The following RFX4 variants were observed in gnomAD, a reference collection of about 807,000 sequenced individuals.
RFX4 encodes regulatory factor X4.
Under a neutral mutation model 95.0 loss-of-function variants are expected in RFX4, and 10 were observed. The observed-to-expected ratio is 0.11, with a 90% CI of 0.06 to 0.18. The LOEUF (loss-of-function observed/expected upper bound fraction) is 0.18. Among genes scored for constraint, RFX4 ranks in the 10% least tolerant of loss-of-function variants. The pLI, the probability that RFX4 is intolerant of heterozygous loss-of-function variation, is 1.00. For missense variants in RFX4, 640 were observed against 922.0 expected (o/e 0.69, Z 3.96); for synonymous variants, 321 against 340.7 (o/e 0.94, Z 0.64).
chr12:106,615,041 C>T (rs2040046107), intron 2 of RFX4, among the ~76,000 whole-genome samples: 1 of 152,034 alleles, frequency 6.6e-6, no homozygotes, highest in South Asian at 2.1e-4. Flanking sequence ...CTTTGGTATC[C>T]TATTAAGAAA....
intron 1 of RFX4, among the ~76,000 whole-genome samples, chr12:106,608,560 C>T (rs958678544): frequency 3.3e-5 from 5 of 152,200 alleles, no homozygotes; most frequent in African/African-American, 1.2e-4. Flanking sequence ...TCAAGTGAGG[C>T]TTCAAAGAGC....
intron 1 of RFX4, among the ~76,000 whole-genome samples, chr12:106,595,321 A>C (rs1451659744): frequency 6.6e-6 from 1 of 152,170 alleles, no homozygotes; most frequent in Non-Finnish European, 1.5e-5. Flanking sequence ...TTTACATTCT[A>C]GTTCACCTCC....
At chr12:106,593,275 A>G (rs1426166474) in intron 1 of RFX4, among the ~76,000 whole-genome samples, 5 of 152,236 alleles carry the variant, frequency 3.3e-5, no homozygotes. Flanking sequence ...GTTAGTTAGC[A>G]CTTTGTGTCC....
At chr12:106,610,801 C>T (rs1012610137) in intron 2 of RFX4, among the ~76,000 whole-genome samples, 3 of 152,288 alleles carry the variant, frequency 2.0e-5, no homozygotes, top group African/African-American at 7.2e-5. Flanking sequence ...TTTCAAGTCT[C>T]TGCTCCTAAT....
intron 15 of RFX4, among the ~76,000 whole-genome samples, chr12:106,735,696 A>T (rs1282857794): frequency 6.6e-6 from 1 of 151,490 alleles, no homozygotes; most frequent in Non-Finnish European, 1.5e-5. Context: ...ACACACATGT[A>T]TTTTTTTTTC....
At chr12:106,693,753 C>T (rs1055944139) in intron 7 of RFX4, among the ~76,000 whole-genome samples, 10 of 152,292 alleles carry the variant, frequency 6.6e-5, no homozygotes, top group Middle Eastern at 3.4e-3. Context: ...TGAGCGGAGC[C>T]ACAGTAGGGA....
chr12:106,625,594 A>T (rs569647267), intron 2 of RFX4, among the ~76,000 whole-genome samples: 1 of 152,352 alleles, frequency 6.6e-6, no homozygotes, highest in African/African-American at 2.4e-5. Context: ...CATCATATAC[A>T]GAGAGGAAAG....
chr12:106,619,585 C>A (rs2040139856), intron 2 of RFX4, among the ~76,000 whole-genome samples: 1 of 151,902 alleles, frequency 6.6e-6, no homozygotes, highest in Non-Finnish European at 1.5e-5. Context: ...TGTTTTTATT[C>A]TTCTTGGGGA....
In RFX4 at chr12:106,734,109, C is replaced by G. The variant is rs181770412; in HGVS notation, c.1633+1024C>G. On this transcript the variant is annotated intron_variant, in intron 15 of 17. Coordinates refer to ENST00000392842, the MANE Select transcript of RFX4 (RefSeq NM_213594.3). ...TATATGATTCCATTTATATGAGGTA[C>G]CTAGAATAGTCAAAGTCACAGACAC... Among the ~76,000 whole-genome samples the G allele has an allele frequency of 4.2e-4, 64 of 152,060 alleles. 1 individual carries two copies. The highest frequency in any genetic ancestry group is 7.6e-4 in the Non-Finnish European group (52 of 67,996).
At chr12:106,641,940 T>G (rs2040631835) in intron 3 of RFX4, among the ~76,000 whole-genome samples, 1 of 150,992 alleles carries the variant, frequency 6.6e-6, no homozygotes, top group Non-Finnish European at 1.5e-5. Flanking sequence ...TATCTATATC[T>G]ATGTCTATAT....
rs778753683 is a variant in RFX4 at position 106,682,072 on chromosome 12, A to G, written c.377+18A>G. ...CAGTCAAAGTAAGCACCGGACGGCCATTCCACCTGCAGAGCGCACATCTAT... is the reference window on the plus strand; with the variant it reads ...CAGTCAAAGTAAGCACCGGACGGCCGTTCCACCTGCAGAGCGCACATCTAT... On this transcript the variant is annotated intron_variant, in intron 5 of 17. Coordinates refer to ENST00000392842, the MANE Select transcript of RFX4 (RefSeq NM_213594.3). 1 of 1,613,860 alleles carries G rather than the reference A, an allele frequency of 6.2e-7. No individual in the cohort carries two copies.
At position 106,616,347 on chromosome 12, in the gene RFX4, G is replaced by T. The variant is rs945714254; in HGVS notation, c.130+7464G>T. 3.3e-5 allele frequency among the ~76,000 whole-genome samples: 5 copies of T among 152,084 alleles called. No individual in the cohort carries two copies. In the East Asian group the frequency reaches 9.7e-4, roughly 29 times the overall value. On this transcript the variant is annotated intron_variant, in intron 2 of 17. Transcript: ENST00000392842. ...TATTATCTTTTTTATATACTTCTGG[G>T]TGTGATTTTTATATATTTCAGGCTG... is the stretch of plus-strand genomic sequence containing the variant.
intron 1 of RFX4, among the ~76,000 whole-genome samples, chr12:106,595,485 A>G (rs1274213390): frequency 6.6e-6 from 1 of 152,188 alleles, no homozygotes; most frequent in African/African-American, 2.4e-5. Context: ...CAGGCTGCTG[A>G]GGATGCCCAC....
At chr12:106,702,962 G>T (rs1442763297) in intron 8 of RFX4, among the ~76,000 whole-genome samples, 3 of 152,208 alleles carry the variant, frequency 2.0e-5, no homozygotes, top group African/African-American at 4.8e-5. Context: ...ACCTGGTGAG[G>T]CCTGTGGAGG....
chr12:106,732,048 G>A, intron 13 of RFX4, 82 bp from the exon 14 acceptor site: 1 of 1,563,380 alleles, frequency 6.4e-7, no homozygotes, highest in Middle Eastern at 1.7e-4. Context: ...AGAACACTGT[G>A]TAACTTGTGC....
Position 106,761,533 on chromosome 12 carries a change from C to A in RFX4, c.*64C>A. On this transcript the variant is annotated 3_prime_UTR_variant, in exon 18 of 18. Coordinates refer to ENST00000392842, the MANE Select transcript of RFX4 (RefSeq NM_213594.3). ...TAATTAATAATAATAATAAACCCAA[C>A]ACCCATCCCCCAGAAGACTTTATCT... is the stretch of plus-strand genomic sequence containing the variant. 8.5e-7 allele frequency: 1 copy of A among 1,179,460 alleles called. No individual in the cohort carries two copies. Among genetic ancestry groups the A allele is most frequent in the Non-Finnish European group, 1.1e-6 (1 of 926,194 alleles). 73.1% of individuals were successfully genotyped at this position (1,179,460 alleles called of 1,614,324 possible).
chr12:106,746,266 G>T (rs564879262), intron 15 of RFX4, among the ~76,000 whole-genome samples: 42 of 149,002 alleles, frequency 2.8e-4, no homozygotes, highest in African/African-American at 1.0e-3. Flanking sequence ...TGAGGCCGGA[G>T]AATCACTCGA....
intron 9 of RFX4, among the ~76,000 whole-genome samples, chr12:106,711,135 G>A (rs1288658205): frequency 6.6e-6 from 1 of 152,172 alleles, no homozygotes; most frequent in East Asian, 1.9e-4. Flanking sequence ...TGCAATTAGC[G>A]AAATGAAAGA....
chr12:106,729,345 T>C (rs1592990124), intron 13 of RFX4, among the ~76,000 whole-genome samples: 1 of 152,240 alleles, frequency 6.6e-6, no homozygotes, highest in Non-Finnish European at 1.5e-5. Flanking sequence ...AAAACAATCA[T>C]GTCATGAGAT....
Sources: gnomAD v4.1 joint callset for allele counts (sites outside exome capture counted in the v4.1 genomes callset) on GRCh38, gnomAD v4.1.1 for gene constraint, MANE v1.5 for transcripts, NCBI Gene and HGNC (gene_info 2026-07-23, HGNC 2026-07-21) for gene names.